Variants in GRIA1 observed in about 807,000 individuals in gnomAD.
GRIA1 encodes the protein glutamate receptor 1.
Under a neutral mutation model 99.2 loss-of-function variants are expected in GRIA1, and 31 were observed. The observed-to-expected ratio is 0.31, with a 90% confidence interval of 0.23 to 0.42. The LOEUF is 0.42. GRIA1 is among the 10% of genes least tolerant of loss of function. The pLI is 1.00. For missense variants in GRIA1, 782 were observed against 1,157.5 expected (o/e 0.68, Z 4.71); for synonymous variants, 438 against 432.4 (o/e 1.01, Z -0.16).
intron 4 of GRIA1, 130 bp downstream of exon 4, chr5:153,650,644 C>G: frequency 1.3e-6 from 1 of 774,278 alleles, no homozygotes; most frequent in Non-Finnish European, 2.0e-6. Flanking sequence ...TAAAAGACCT[C>G]TATCTCATTT....
intron 2 of GRIA1, among the ~76,000 whole-genome samples, chr5:153,557,493 G>A (rs1315124448): frequency 6.6e-6 from 1 of 152,120 alleles, no homozygotes; most frequent in Non-Finnish European, 1.5e-5. Context: ...ACTTTTAAAT[G>A]TTTTAACTTT....
intron 2 of GRIA1, among the ~76,000 whole-genome samples, chr5:153,607,760 T>C: frequency 6.6e-6 from 1 of 152,244 alleles, no homozygotes; most frequent in East Asian, 1.9e-4. Context: ...TATTGTTGCA[T>C]AATTTTTATA....
At chr5:153,698,217 C>A in intron 9 of GRIA1, 63 bp downstream of exon 9, 1 of 879,666 alleles carries the variant, frequency 1.1e-6, no homozygotes, top group East Asian at 2.5e-5. Context: ...CAAGGGTTTT[C>A]CACCAGGACT....
At chr5:153,777,874 A>G (rs941461916) in intron 13 of GRIA1, among the ~76,000 whole-genome samples, 1 of 152,182 alleles carries the variant, frequency 6.6e-6, no homozygotes, top group Non-Finnish European at 1.5e-5. Flanking sequence ...GCTGCTGATA[A>G]ATACAGTATG....
At chr5:153,670,460 T>A (rs1479712079) in intron 5 of GRIA1, among the ~76,000 whole-genome samples, 1 of 151,756 alleles carries the variant, frequency 6.6e-6, no homozygotes, top group East Asian at 1.9e-4. Flanking sequence ...TTTTTGTCAG[T>A]AGTAACAGTA....
intron 2 of GRIA1, among the ~76,000 whole-genome samples, chr5:153,512,569 A>C (rs941735668): frequency 1.1e-4 from 17 of 152,222 alleles, no homozygotes; most frequent in African/African-American, 3.6e-4. Flanking sequence ...TGGACTGGCT[A>C]GCAGTGGCGA....
intron 2 of GRIA1, among the ~76,000 whole-genome samples, chr5:153,590,935 T>C (rs1763919282): frequency 6.6e-6 from 1 of 152,202 alleles, no homozygotes; most frequent in South Asian, 2.1e-4. Context: ...GGTCTAAGCA[T>C]TGCCCCTTTA....
rs115902292 is a variant in GRIA1 at position 153,667,196 on chromosome 5, G to A, written c.700-7304G>A. Among the ~76,000 whole-genome samples the A allele has an allele frequency of 8.3e-3, 1,268 of 152,278 alleles. 21 individuals are homozygous for A. The highest frequency in any genetic ancestry group is 0.028 in the African/African-American group (1,170 of 41,554). On this transcript the variant is annotated intron_variant, in intron 5 of 15. Coordinates refer to ENST00000285900, the MANE Select transcript of GRIA1 (RefSeq NM_000827.4). ...GTGGATCTCAAGGGGATGGGATGGA[G>A]GAAGTGCTCTTTCCAGTGTCCCAGG...
At chr5:153,502,518 T>C (rs547376755) in intron 2 of GRIA1, among the ~76,000 whole-genome samples, 2 of 152,306 alleles carry the variant, frequency 1.3e-5, no homozygotes, top group Non-Finnish European at 2.9e-5. Flanking sequence ...GCTGGACTAT[T>C]GTCATGAGGG....
chr5:153,762,446 G>A (rs1171055036), intron 11 of GRIA1, among the ~76,000 whole-genome samples: 1 of 152,168 alleles, frequency 6.6e-6, no homozygotes, highest in Admixed American at 6.5e-5. Context: ...AGAGCACTGG[G>A]ATAGTTCTAT....
intron 2 of GRIA1, among the ~76,000 whole-genome samples, chr5:153,632,943 C>T (rs1280664572): frequency 6.6e-6 from 1 of 152,140 alleles, no homozygotes; most frequent in Non-Finnish European, 1.5e-5. Context: ...CAACATCTGG[C>T]TGGGGTCTTG....
chr5:153,619,299 T>G (rs138823211), intron 2 of GRIA1, among the ~76,000 whole-genome samples: 1 of 152,242 alleles, frequency 6.6e-6, no homozygotes, highest in South Asian at 2.1e-4. Context: ...AGCCCCAAAC[T>G]TATCCTTGTA....
intron 2 of GRIA1, among the ~76,000 whole-genome samples, chr5:153,609,738 T>C (rs1190931974): frequency 6.6e-6 from 1 of 151,884 alleles, no homozygotes; most frequent in East Asian, 1.9e-4. Flanking sequence ...AATTTTTGTA[T>C]TTTTAGTAGA....
At chr5:153,669,194 A>G (rs1486262076) in intron 5 of GRIA1, among the ~76,000 whole-genome samples, 1 of 152,228 alleles carries the variant, frequency 6.6e-6, no homozygotes, top group Non-Finnish European at 1.5e-5. Context: ...AAAGCATTTA[A>G]CAGAATGCCT....
intron 11 of GRIA1, among the ~76,000 whole-genome samples, chr5:153,752,515 T>G (rs1762569591): frequency 6.6e-6 from 1 of 152,218 alleles, no homozygotes. Context: ...CTAACAGTAC[T>G]GTGCTGAGCA....
chr5:153,619,691 A>G (rs1244527735), intron 2 of GRIA1, among the ~76,000 whole-genome samples: 1 of 150,730 alleles, frequency 6.6e-6, no homozygotes, highest in Non-Finnish European at 1.5e-5. Flanking sequence ...CAACAAAATT[A>G]TTTTAAAAAA....
At chr5:153,660,002 G>A (rs1755241813) in intron 5 of GRIA1, among the ~76,000 whole-genome samples, 1 of 152,146 alleles carries the variant, frequency 6.6e-6, no homozygotes, top group South Asian at 2.1e-4. Context: ...GGTTTTGGAT[G>A]TCATAATACT....
chr5:153,496,382 C>T (rs1754427206), intron 2 of GRIA1, among the ~76,000 whole-genome samples: 1 of 152,148 alleles, frequency 6.6e-6, no homozygotes. Context: ...TTCTTCAAAG[C>T]TATAAACTGA....
chr5:153,606,870 TA>T (rs1765482928), intron 2 of GRIA1, among the ~76,000 whole-genome samples: 1 of 104,826 alleles, frequency 9.5e-6, no homozygotes, highest in Admixed American at 1.1e-4. Flanking sequence ...AGTTTGTTAG[TA>T]CTTTAAGATG....
Sources: gnomAD v4.1 joint callset for allele counts (sites outside exome capture counted in the v4.1 genomes callset) on GRCh38, gnomAD v4.1.1 for gene constraint, MANE v1.5 for transcripts, NCBI Gene and HGNC (gene_info 2026-07-23, HGNC 2026-07-21) for gene names.